Variants in PDE10A observed in about 807,000 individuals in gnomAD.
PDE10A encodes phosphodiesterase 10A, also known as cAMP and cAMP-inhibited cGMP 3',5'-cyclic phosphodiesterase 10A.
PDE10A carries 39 observed loss-of-function variants against 97.7 expected under a neutral mutation model. The observed-to-expected ratio is 0.40, with a 90% CI of 0.31 to 0.52. The LOEUF is 0.52. PDE10A is among the 20% of genes least tolerant of loss of function. The pLI is 0.56. For missense variants in PDE10A, 731 were observed against 1,047.8 expected (o/e 0.70, Z 4.17); for synonymous variants, 371 against 376.8 (o/e 0.98, Z 0.18).
chr6:165,344,894 T>C (rs1018273097), intron 18 of PDE10A, among the ~76,000 whole-genome samples: 13 of 152,182 alleles, frequency 8.5e-5, no homozygotes, highest in African/African-American at 3.1e-4. Flanking sequence ...AAACAGATGC[T>C]ATGTGAAGAT....
intron 1 of PDE10A, among the ~76,000 whole-genome samples, chr6:165,598,524 G>C (rs1786737463): frequency 4.6e-5 from 7 of 152,148 alleles, no homozygotes. Flanking sequence ...CAAATGGTGT[G>C]GCCCCTGCTG....
intron 1 of PDE10A, among the ~76,000 whole-genome samples, chr6:165,832,927 C>A: frequency 6.6e-6 from 1 of 152,276 alleles, no homozygotes; most frequent in Non-Finnish European, 1.5e-5. Context: ...TCATAAGGCA[C>A]GATACCAGCC....
intron 1 of PDE10A, among the ~76,000 whole-genome samples, chr6:165,731,580 A>G (rs1222123557): frequency 6.6e-6 from 1 of 152,206 alleles, no homozygotes; most frequent in Non-Finnish European, 1.5e-5. Context: ...GATCCAGAAA[A>G]TACTGCGGAG....
chr6:165,705,315 T>G (rs1396027334), intron 1 of PDE10A, among the ~76,000 whole-genome samples: 2 of 152,250 alleles, frequency 1.3e-5, no homozygotes, highest in Non-Finnish European at 2.9e-5. Context: ...TTCATGCCAC[T>G]GCAGACTGCT....
intron 1 of PDE10A, among the ~76,000 whole-genome samples, chr6:165,729,408 A>T (rs61301961): frequency 0.017 from 2,600 of 152,174 alleles, 73 homozygotes; most frequent in African/African-American, 0.06. Context: ...CTTCTTAGAC[A>T]TGGAGAGTTG....
intron 1 of PDE10A, among the ~76,000 whole-genome samples, chr6:165,936,009 G>A (rs1783313479): frequency 6.6e-6 from 1 of 152,192 alleles, no homozygotes; most frequent in Non-Finnish European, 1.5e-5. Flanking sequence ...ATTGTCATTT[G>A]GATGTAGGTG....
chr6:165,363,751 T>C (rs1333140518), intron 18 of PDE10A, among the ~76,000 whole-genome samples: 1 of 151,960 alleles, frequency 6.6e-6, no homozygotes, highest in Non-Finnish European at 1.5e-5. Flanking sequence ...AATGTGAAAA[T>C]AAAATTAACA....
At chr6:165,610,716 G>C (rs1424053258) in intron 1 of PDE10A, among the ~76,000 whole-genome samples, 1 of 152,128 alleles carries the variant, frequency 6.6e-6, no homozygotes, top group African/African-American at 2.4e-5. Context: ...GACATCTCTC[G>C]TCTCCTTTAA....
chr6:165,710,468 A>G (rs373447789), intron 1 of PDE10A, among the ~76,000 whole-genome samples: 1 of 152,238 alleles, frequency 6.6e-6, no homozygotes, highest in African/African-American at 2.4e-5. Context: ...TTTTCCTGTT[A>G]TAGACACACC....
chr6:165,985,450 T>C (rs927338610), intron 1 of PDE10A, among the ~76,000 whole-genome samples: 5 of 152,188 alleles, frequency 3.3e-5, no homozygotes, highest in African/African-American at 9.7e-5. Context: ...AAGTACCCAA[T>C]TGCTTTCACC....
chr6:165,579,561 A>G (rs1369785512), intron 1 of PDE10A, among the ~76,000 whole-genome samples: 1 of 152,184 alleles, frequency 6.6e-6, no homozygotes, highest in Non-Finnish European at 1.5e-5. Context: ...CCTTCCCAAC[A>G]GTCAACACCA....
In PDE10A at chr6:165,392,407, T is replaced by TA. The variant is rs1280330454; in HGVS notation, c.2454+238dup. Among the ~76,000 whole-genome samples, 3 of 152,292 alleles carry TA rather than the reference T, an allele frequency of 2.0e-5. No individual in the cohort carries two copies. The East Asian group carries it at 5.8e-4, about 29-fold the overall frequency. ...TAACAGGTAAGACAGACTACAAAATTAGTATTTCCTTGGGGGATATTTTGA... is the reference window on the plus strand; with the variant it reads ...TAACAGGTAAGACAGACTACAAAATTAAGTATTTCCTTGGGGGATATTTTGA... On this transcript the variant is annotated intron_variant, in intron 16 of 21. Transcript: ENST00000539869.
intron 1 of PDE10A, among the ~76,000 whole-genome samples, chr6:165,960,781 C>G (rs1482695310): frequency 6.6e-6 from 1 of 152,144 alleles, no homozygotes; most frequent in African/African-American, 2.4e-5. Flanking sequence ...CAGACAGACC[C>G]GATCCTCAGG....
intron 1 of PDE10A, among the ~76,000 whole-genome samples, chr6:165,619,689 G>GTAGTCTAGTGCAGTC (rs1562635574): frequency 7.8e-4 from 70 of 90,024 alleles, no homozygotes; most frequent in African/African-American, 2.2e-3. Context: ...CTAGTGTAGT[G>GTAGTCTAGTGCAGTC]TAGTGTAGTC....
At chr6:165,751,975 TA>T (rs956000600) in intron 1 of PDE10A, among the ~76,000 whole-genome samples, 7 of 149,160 alleles carry the variant, frequency 4.7e-5, no homozygotes, top group South Asian at 2.1e-4. Context: ...CCATGTCTAC[TA>T]AAAAAAAAGT....
chr6:165,635,722 A>G (rs1364238664), intron 1 of PDE10A, among the ~76,000 whole-genome samples: 1 of 152,256 alleles, frequency 6.6e-6, no homozygotes, highest in African/African-American at 2.4e-5. Flanking sequence ...TACACAAATC[A>G]ATAGACTATC....
intron 2 of PDE10A, among the ~76,000 whole-genome samples, chr6:165,526,909 T>C (rs1439451930): frequency 6.6e-6 from 1 of 152,214 alleles, no homozygotes; most frequent in Non-Finnish European, 1.5e-5. Context: ...ACAATCTTAT[T>C]CGGAGAGACC....
At chr6:165,630,310 T>G (rs949994139) in intron 1 of PDE10A, among the ~76,000 whole-genome samples, 25 of 152,168 alleles carry the variant, frequency 1.6e-4, no homozygotes, top group African/African-American at 5.8e-4. Context: ...ATTGCACCAC[T>G]GCACTCCAGC....
chr6:165,657,974 T>C (rs1222613415), intron 1 of PDE10A, among the ~76,000 whole-genome samples: 1 of 152,140 alleles, frequency 6.6e-6, no homozygotes, highest in Non-Finnish European at 1.5e-5. Context: ...GTACCTGTTA[T>C]CATTATTTTA....
Sources: allele counts gnomAD v4.1 joint callset (sites outside exome capture counted in the v4.1 genomes callset), GRCh38; gene constraint gnomAD v4.1.1; transcripts MANE v1.5; gene names NCBI Gene and HGNC (gene_info 2026-07-23, HGNC 2026-07-21).